Variants in WRN observed in about 807,000 individuals in gnomAD.
WRN encodes the protein bifunctional 3'-5' exonuclease/ATP-dependent helicase WRN.
A neutral mutation model predicts 180.7 loss-of-function variants in WRN; 149 were observed. The observed-to-expected ratio is 0.82, with a 90% CI of 0.72 to 0.94. WRN has a LOEUF of 0.94. Among genes scored for constraint, WRN ranks in the 40% least tolerant of loss-of-function variants. The probability of loss-of-function intolerance (pLI) is 0.00; values close to 1 mark genes in which losing one functional copy is unlikely to be tolerated. For synonymous variants in WRN, 548 were observed against 568.9 expected, an observed-to-expected ratio of 0.96 and a Z score of 0.52; for missense variants, 1,661 against 1,700.1, an observed-to-expected ratio of 0.98 and a Z score of 0.40.
chr8:31,071,261 C>T (rs1254446499), intron 7 of WRN, among the ~76,000 whole-genome samples: 1 of 151,774 alleles, frequency 6.6e-6, no homozygotes, highest in East Asian at 1.9e-4. Flanking sequence ...ATATCTCCTC[C>T]CAAGAGCAAT....
At position 31,167,354 on chromosome 8, in the gene WRN, A is replaced by G. The variant is rs1803941273; in HGVS notation, c.4191+124A>G. On this transcript the variant is annotated intron_variant, in intron 34 of 34. Coordinates refer to ENST00000298139, the MANE Select transcript of WRN (RefSeq NM_000553.6). ...GATATGATTACTTTCTCTATGTGCTACATTTCCTTTGCTTTTCATAAATAT... is the reference window on the plus strand; with the variant it reads ...GATATGATTACTTTCTCTATGTGCTGCATTTCCTTTGCTTTTCATAAATAT... 4.9e-6 allele frequency: 4 copies of G among 823,230 alleles called. No homozygotes were observed. In the South Asian group the frequency reaches 5.4e-5, roughly 11 times the overall value. 51.0% of individuals were successfully genotyped at this position (823,230 alleles called of 1,614,324 possible).
rs1262984667 is a variant in WRN at position 31,157,609 on chromosome 8, A to C, written c.3982+79A>C. On this transcript the variant is annotated intron_variant, in intron 33 of 34. Coordinates refer to ENST00000298139, the MANE Select transcript of WRN (RefSeq NM_000553.6). ...CAATCCACTATATTTTTCACTGTTA[A>C]CAGCATTAATCCTTTATGCTATTAT... 3.2e-6 allele frequency: 5 copies of C among 1,551,298 alleles called. No homozygotes were observed. In the African/African-American group the frequency reaches 6.8e-5, roughly 21 times the overall value.
Position 31,132,499 on chromosome 8 carries a change from G to C in WRN, c.2960G>C (p.Arg987Pro), listed in dbSNP as rs569405870. Residue 987 changes from arginine (R) to proline (P), a missense_variant, in exon 24 of 35, where the codon CGA (arginine) becomes CCA (proline). By Grantham distance (103) the Arg-to-Pro change is moderately radical. Around this residue, in one of 3 missense-constraint regions of WRN, gnomAD observed 1,141 missense variants for 1,149.4 expected, o/e 0.99. Coordinates refer to ENST00000298139, the MANE Select transcript of WRN (RefSeq NM_000553.6). ...FGIGLPILFL[R>P]GSNSQRLADQ... ...ATTGGGCTTCCAATTTTATTTCTCCGAGGATCTGTAAGTATATATCTGTGA... is the reference window on the plus strand; with the variant it reads ...ATTGGGCTTCCAATTTTATTTCTCCCAGGATCTGTAAGTATATATCTGTGA... 1 of 1,614,076 alleles carries C rather than the reference G, an allele frequency of 6.2e-7. No individual in the cohort carries two copies. Among genetic ancestry groups the C allele is most frequent in the African/African-American group, 1.3e-5 (1 of 75,034 alleles).
chr8:31,132,636 C>G (rs1377198522), intron 24 of WRN, 130 bp downstream of exon 24: 1 of 1,289,646 alleles, frequency 7.8e-7, no homozygotes, highest in Non-Finnish European at 1.1e-6. Flanking sequence ...TAGAGTCTTA[C>G]TAAGTTCCAG....
chr8:31,155,504 C>T (rs1803348216), intron 32 of WRN, among the ~76,000 whole-genome samples: 1 of 151,874 alleles, frequency 6.6e-6, no homozygotes, highest in Admixed American at 6.6e-5. Flanking sequence ...TGCCTGTAAT[C>T]CCAGATACTT....
At chr8:31,048,298 G>A (rs1216753634) in intron 1 of WRN, among the ~76,000 whole-genome samples, 4 of 152,198 alleles carry the variant, frequency 2.6e-5, no homozygotes, top group African/African-American at 7.2e-5. Context: ...ATTCATGAAA[G>A]TCTTGAAAGC....
chr8:31,072,667 A>G (rs747069480), intron 7 of WRN, among the ~76,000 whole-genome samples: 1 of 152,238 alleles, frequency 6.6e-6, no homozygotes, highest in Non-Finnish European at 1.5e-5. Flanking sequence ...TAGTTGTTTT[A>G]GAAATAACGA....
At chr8:31,036,001 G>A (rs2129889368) in intron 1 of WRN, among the ~76,000 whole-genome samples, 1 of 152,168 alleles carries the variant, frequency 6.6e-6, no homozygotes, top group South Asian at 2.1e-4. Context: ...CTCATTAACA[G>A]CCTCTCTTCA....
intron 33 of WRN, among the ~76,000 whole-genome samples, chr8:31,159,031 G>C (rs1178948005): frequency 6.6e-6 from 1 of 152,160 alleles, no homozygotes; most frequent in African/African-American, 2.4e-5. Flanking sequence ...GGGCGTGGTG[G>C]CTTGTGTCTG....
chr8:31,043,306 G>T (rs1230540884), intron 1 of WRN, among the ~76,000 whole-genome samples: 1 of 152,152 alleles, frequency 6.6e-6, no homozygotes, highest in African/African-American at 2.4e-5. Flanking sequence ...AATAATTATG[G>T]CCAGGAGATG....
At chr8:31,119,700 A>G (rs550049397) in intron 20 of WRN, among the ~76,000 whole-genome samples, 1 of 152,060 alleles carries the variant, frequency 6.6e-6, no homozygotes, top group South Asian at 2.1e-4. Flanking sequence ...CCTAAAAAAA[A>G]ATTTTCTATG....
At chr8:31,075,678 C>T (rs1196757134) in intron 7 of WRN, among the ~76,000 whole-genome samples, 1 of 151,458 alleles carries the variant, frequency 6.6e-6, no homozygotes, top group Non-Finnish European at 1.5e-5. Flanking sequence ...CGAGATTGCG[C>T]CACTGCATTC....
chr8:31,046,961 T>G (rs1811890959), intron 1 of WRN, among the ~76,000 whole-genome samples: 1 of 152,206 alleles, frequency 6.6e-6, no homozygotes, highest in South Asian at 2.1e-4. Context: ...AAAGACTGTA[T>G]TTGAACTTAC....
intron 23 of WRN, among the ~76,000 whole-genome samples, chr8:31,129,347 C>G (rs1802055075): frequency 1.3e-5 from 2 of 152,192 alleles, no homozygotes; most frequent in South Asian, 4.1e-4. Context: ...TTATGTAGGG[C>G]TGCCTGAGTT....
At position 31,120,477 on chromosome 8, in the gene WRN, A is replaced by G. The variant is rs911157238; in HGVS notation, c.2630+53A>G. 31 of 1,549,052 alleles carry G rather than the reference A, an allele frequency of 2.0e-5. No individual in the cohort carries two copies. In the African/African-American group the frequency reaches 2.1e-4, roughly 10 times the overall value. On this transcript the variant is annotated intron_variant, in intron 21 of 34. Transcript: ENST00000298139. ...TGCAGATTTCTTTCTTTCTTTCCAT[A>G]TAAACCTCAAAAGTGTTTGAGGCTA...
At chr8:31,066,907 C>A in intron 5 of WRN, 126 bp from the exon 6 acceptor site, 1 of 1,124,698 alleles carries the variant, frequency 8.9e-7, no homozygotes, top group Non-Finnish European at 1.3e-6. Flanking sequence ...TTGTTGAAGG[C>A]TATCTGTGGG....
At chr8:31,051,056 A>G (rs553844000) in intron 1 of WRN, among the ~76,000 whole-genome samples, 1 of 152,174 alleles carries the variant, frequency 6.6e-6, no homozygotes, top group South Asian at 2.1e-4. Flanking sequence ...TATTATCTGT[A>G]TGTGTCATAT....
chr8:31,047,212 G>A (rs150928379), intron 1 of WRN, among the ~76,000 whole-genome samples: 85 of 150,262 alleles, frequency 5.7e-4, no homozygotes, highest in Non-Finnish European at 1.1e-3. Context: ...GCAAGATCGT[G>A]GCTCACTGCA....
At chr8:31,088,112 A>G (rs1380153019) in intron 12 of WRN, among the ~76,000 whole-genome samples, 192 bp downstream of exon 12, 1 of 152,198 alleles carries the variant, frequency 6.6e-6, no homozygotes, top group Non-Finnish European at 1.5e-5. Context: ...AGAAAAATAG[A>G]GTAATAGCAT....
Sources: allele counts gnomAD v4.1 joint callset (sites outside exome capture counted in the v4.1 genomes callset), GRCh38; gene constraint gnomAD v4.1.1; regional missense constraint gnomAD v4.1.1; transcripts MANE v1.5; gene names NCBI Gene and HGNC (gene_info 2026-07-23, HGNC 2026-07-21).